The following ARID3B variants were observed in gnomAD, a reference collection of about 807,000 sequenced individuals.
The protein encoded by ARID3B is AT-rich interaction domain 3B.
ARID3B carries 10 observed loss-of-function variants against 51.9 expected under a neutral mutation model. The observed-to-expected ratio is 0.19, with a 90% CI of 0.12 to 0.33. ARID3B has a LOEUF of 0.33. ARID3B is among the 10% of genes least tolerant of loss of function. The pLI is 1.00. For synonymous variants in ARID3B, 205 were observed against 279.5 expected (o/e 0.73, Z 2.66); for missense variants, 483 against 716.3 (o/e 0.67, Z 3.72).
intron 2 of ARID3B, among the ~76,000 whole-genome samples, chr15:74,561,912 CAT>C (rs1368196407): frequency 6.6e-6 from 1 of 151,974 alleles, no homozygotes; most frequent in Non-Finnish European, 1.5e-5. Flanking sequence ...AGATACTCAA[CAT>C]GTTATTATAA....
At chr15:74,590,371 C>CT (rs1350999745) in intron 5 of ARID3B, among the ~76,000 whole-genome samples, 1 of 152,220 alleles carries the variant, frequency 6.6e-6, no homozygotes, top group Admixed American at 6.5e-5. Context: ...GCTTCTGTCT[C>CT]TAAGACCTGT....
rs1172129330 is a variant in ARID3B, at chr15:74,571,116, CTGTG to C, written c.553-1743_553-1740del. Among the ~76,000 whole-genome samples the C allele has an allele frequency of 7.9e-5, 12 of 152,292 alleles. 2 individuals carry two copies. The South Asian group carries it at 2.5e-3, about 32-fold the overall frequency. ...TCACTTCTTAGTTATACTTATGTCA[CTGTG>C]TGCCAGATTGCTGCTATCGGAAAGT... On this transcript the variant is annotated intron_variant, in intron 2 of 8. Transcript: ENST00000346246.
At chr15:74,565,391 T>C (rs2061693984) in intron 2 of ARID3B, among the ~76,000 whole-genome samples, 1 of 152,190 alleles carries the variant, frequency 6.6e-6, no homozygotes, top group Admixed American at 6.5e-5. Flanking sequence ...CTATAAAAGT[T>C]GTCAGTATGC....
rs765046727 is a variant in ARID3B, at chr15:74,591,282, A to T, written c.1013A>T (p.Tyr338Phe). ...RPSYSSSLFG[Y>F]SPAAATAAAA... ...AGCTACAGCTCCTCCCTCTTTGGCT[A>T]CTCACCTGCTGCGGCTACTGCTGCT... Residue 338 changes from tyrosine (Y) to phenylalanine (F), a missense_variant, in exon 6 of 9, where the codon TAC (tyrosine) becomes TTC (phenylalanine). Physicochemically the swap from Tyr to Phe is conservative, Grantham distance 22. Coordinates refer to ENST00000346246, the MANE Select transcript of ARID3B (RefSeq NM_006465.4). The surrounding 1 kb of genome is among the most constrained non-coding windows in gnomAD (Gnocchi z 5.8). 12 of 1,613,754 alleles carry T rather than the reference A, an allele frequency of 7.4e-6. No homozygotes were observed. In the South Asian group the frequency reaches 1.1e-4, roughly 15 times the overall value.
intron 4 of ARID3B, among the ~76,000 whole-genome samples, chr15:74,580,096 CAGG>C: frequency 6.6e-6 from 1 of 152,218 alleles, no homozygotes; most frequent in African/African-American, 2.4e-5. Context: ...GAGGCTGAGG[CAGG>C]AGAATCGCCT....
rs2061659373 is a variant in ARID3B, at chr15:74,556,753, CTTTTTTCTTTTTTTTGTTTTTTG to C, written c.552+12272_552+12294del. On this transcript the variant is annotated intron_variant, in intron 2 of 8. Transcript: ENST00000346246. ...TCCCTCTGGGCTCACTTTCCTTTTC[CTTTTTTCTTTTTTTTGTTTTTTG>C]TTTTTTTTTTTTTTTTGAGACGGAG... Among the ~76,000 whole-genome samples, 2 of 147,668 alleles carry C rather than the reference CTTTTTTCTTTTTTTTGTTTTTTG, an allele frequency of 1.4e-5. 1 individual carries two copies. Among genetic ancestry groups the C allele is most frequent in the Admixed American group, 1.4e-4 (2 of 14,418 alleles).
chr15:74,571,563 C>G (rs1243824985), intron 2 of ARID3B, among the ~76,000 whole-genome samples: 1 of 152,184 alleles, frequency 6.6e-6, no homozygotes, highest in African/African-American at 2.4e-5. Context: ...GACTTTTTGA[C>G]CCCCCTGTAA....
At position 74,597,117 on chromosome 15, in the gene ARID3B, A is replaced by C. The variant is rs1356187832; in HGVS notation, c.*1343A>C. The C allele has an allele frequency of 4.1e-6, 1 of 244,566 alleles. No homozygotes were observed. Among genetic ancestry groups the C allele is most frequent in the Admixed American group, 5.5e-5 (1 of 18,072 alleles). The allele number at this position is 244,566 out of a possible 1,614,324, so 15.1% of individuals were successfully genotyped here. Reference sequence around the variant, plus strand: ...ACTCAGCATTCCCAGCTCAGGGCACAGGCAGGCTGGGGTCCTCGCTGGCCT... The same window carrying C: ...ACTCAGCATTCCCAGCTCAGGGCACCGGCAGGCTGGGGTCCTCGCTGGCCT... On this transcript the variant is annotated 3_prime_UTR_variant, in exon 9 of 9. Transcript: ENST00000346246.
intron 2 of ARID3B, among the ~76,000 whole-genome samples, chr15:74,561,694 T>C (rs1284376362): frequency 1.3e-5 from 2 of 152,212 alleles, no homozygotes; most frequent in Non-Finnish European, 2.9e-5. Context: ...AGCACTGTGC[T>C]GAGGATTAAA....
intron 4 of ARID3B, among the ~76,000 whole-genome samples, chr15:74,576,437 G>C (rs986762323): frequency 5.3e-5 from 8 of 152,144 alleles, no homozygotes; most frequent in African/African-American, 1.9e-4. Context: ...ACTGTGGGAG[G>C]CTGAGGTGGG....
At chr15:74,579,621 A>G (rs2061751816) in intron 4 of ARID3B, among the ~76,000 whole-genome samples, 1 of 152,212 alleles carries the variant, frequency 6.6e-6, no homozygotes, top group Admixed American at 6.5e-5. Context: ...AAGTAATTGT[A>G]TGAAACATCA....
In ARID3B at chr15:74,591,046, A is replaced by C; in HGVS notation, c.882-105A>C. The C allele has an allele frequency of 9.4e-6, 14 of 1,494,900 alleles. No homozygotes were observed. The highest frequency in any genetic ancestry group is 1.3e-5 in the Non-Finnish European group (14 of 1,116,472). 92.6% of individuals were successfully genotyped at this position (1,494,900 alleles called of 1,614,324 possible). Reference sequence around the variant, plus strand: ...TACCAAGGTTGCAATCCTTTGCCCTAGAGTCCTGCCCAACAGAGACTGCTT... The same window carrying C: ...TACCAAGGTTGCAATCCTTTGCCCTCGAGTCCTGCCCAACAGAGACTGCTT... On this transcript the variant is annotated intron_variant, in intron 5 of 8. Transcript: ENST00000346246. This position sits in a 1 kb window ranked among gnomAD's most constrained non-coding sequence, Gnocchi z 5.8.
Position 74,595,968 on chromosome 15 carries a change from G to A in ARID3B, c.*194G>A. The stretch of plus-strand genomic sequence containing the variant: ...TCTGGGGGCAGGGAGAGGCTAGAGG[G>A]GCAGGACAGACAGCGTTGTCCAATC... On this transcript the variant is annotated 3_prime_UTR_variant, in exon 9 of 9. Transcript: ENST00000346246. 1.6e-6 allele frequency: 1 copy of A among 630,740 alleles called. No individual in the cohort carries two copies. The highest frequency in any genetic ancestry group is 2.6e-6 in the Non-Finnish European group (1 of 378,952). 39.1% of individuals were successfully genotyped at this position (630,740 alleles called of 1,614,324 possible).
At chr15:74,592,820 G>C (rs1226550489) in intron 7 of ARID3B, among the ~76,000 whole-genome samples, 2 of 152,252 alleles carry the variant, frequency 1.3e-5, no homozygotes, top group African/African-American at 4.8e-5. Context: ...GGTGTATAGT[G>C]TAGTTCAGGG....
chr15:74,595,569 G>T, intron 8 of ARID3B, 42 bp from the exon 9 acceptor site: 1 of 1,592,824 alleles, frequency 6.3e-7, no homozygotes, highest in Non-Finnish European at 8.6e-7. Context: ...CCTCCCCTTC[G>T]CTCTTCCTCT....
At chr15:74,580,089 G>T (rs762396763) in intron 4 of ARID3B, among the ~76,000 whole-genome samples, 1 of 152,158 alleles carries the variant, frequency 6.6e-6, no homozygotes, top group Non-Finnish European at 1.5e-5. Flanking sequence ...TACTCGGGAG[G>T]CTGAGGCAGG....
At chr15:74,552,447 G>T (rs1167671583) in intron 2 of ARID3B, among the ~76,000 whole-genome samples, 2 of 147,074 alleles carry the variant, frequency 1.4e-5, no homozygotes, top group African/African-American at 5.1e-5. Flanking sequence ...CACACACCTT[G>T]GCCTCCCAAA....
At chr15:74,563,178 G>A (rs2061685251) in intron 2 of ARID3B, among the ~76,000 whole-genome samples, 1 of 152,212 alleles carries the variant, frequency 6.6e-6, no homozygotes, top group Non-Finnish European at 1.5e-5. Flanking sequence ...ATCCCCATGT[G>A]AGAGAGCCTC....
Position 74,591,657 on chromosome 15 carries a change from G to A in ARID3B, c.1263G>A (p.Leu421=). Residue 421 remains leucine, a synonymous_variant, in exon 7 of 9, where the codon CTG becomes CTA. Coordinates refer to ENST00000346246, the MANE Select transcript of ARID3B (RefSeq NM_006465.4). This position sits in a 1 kb window ranked among gnomAD's most constrained non-coding sequence, Gnocchi z 5.8. ...AGGCTGGTACTCGGACCGCCGCACT[G>A]GAGCAGCTGCGGGAGCGGCTGGAGT... is the stretch of plus-strand genomic sequence containing the variant. ...SQQAGTRTAA[L]EQLRERLESG... The A allele has an allele frequency of 1.9e-6, 3 of 1,608,078 alleles. No individual in the cohort carries two copies. The highest frequency in any genetic ancestry group is 2.2e-5 in the South Asian group (2 of 90,498).
Sources: allele counts gnomAD v4.1 joint callset (sites outside exome capture counted in the v4.1 genomes callset), GRCh38; gene constraint gnomAD v4.1.1; non-coding constraint Gnocchi (gnomAD v3.1); transcripts MANE v1.5; gene names NCBI Gene and HGNC (gene_info 2026-07-23, HGNC 2026-07-21).